Variants in KRT8 observed in about 807,000 individuals in gnomAD.
KRT8 encodes the protein keratin 8, also known as keratin, type II cytoskeletal 8.
Under a neutral mutation model 43.0 loss-of-function variants are expected in KRT8, and 24 were observed. That is an observed-to-expected ratio of 0.56 (90% CI 0.40 to 0.78). The LOEUF is 0.78. Ranked by LOEUF, KRT8 falls within the 30% of genes least tolerant of loss-of-function variation. The pLI is 0.00. For synonymous variants in KRT8, 214 were observed against 261.2 expected (o/e 0.82, Z 1.74); for missense variants, 492 against 638.4 (o/e 0.77, Z 2.47).
chr12:52,934,237 A>G (rs1302195228), intron 2 of KRT8, among the ~76,000 whole-genome samples: 1 of 151,068 alleles, frequency 6.6e-6, no homozygotes, highest in Non-Finnish European at 1.5e-5. Flanking sequence ...TCAGAAAAGG[A>G]AAAAAAATAA....
chr12:52,904,532 A>C, intron 1 of KRT8, 126 bp downstream of exon 1: 3 of 871,734 alleles, frequency 3.4e-6, no homozygotes, highest in Non-Finnish European at 5.7e-6. Flanking sequence ...GATGGAAGGG[A>C]GAGTGTCGCC....
chr12:52,918,194 A>AAGAAGAAGAAGAAGAAGAAGG lies in KRT8; in HGVS notation c.-46-13168_-46-13167insCCTTCTTCTTCTTCTTCTTCT, dbSNP rs1565725628. ...GAAGAGGAAGAGGAAGAAGAAGAAGAAGAAGAAGAACAAGAAGAAGAAGAA... is the reference window on the plus strand; with the variant it reads ...GAAGAGGAAGAGGAAGAAGAAGAAGAAGAAGAAGAAGAAGAAGAAGGAGAAGAAGAACAAGAAGAAGAAGAA... On this transcript the variant is annotated intron_variant, in intron 2 of 6. Transcript: ENST00000546826. Among the ~76,000 whole-genome samples, 109 of 125,048 alleles carry AAGAAGAAGAAGAAGAAGAAGG rather than the reference A, an allele frequency of 8.7e-4. 11 individuals are homozygous for AAGAAGAAGAAGAAGAAGAAGG. The highest frequency in any genetic ancestry group is 1.3e-3 in the Non-Finnish European group (77 of 60,320). 82.0% of individuals were successfully genotyped at this position (125,048 alleles called of 152,430 possible).
chr12:52,905,115 G>T (rs953130983), upstream of KRT8: 1 of 1,442,636 alleles, frequency 6.9e-7, no homozygotes. Flanking sequence ...GGGGGATGGG[G>T]GGGAAAGGCC....
intron 2 of KRT8, chr12:52,926,581 G>T: frequency 2.4e-6 from 2 of 835,286 alleles, no homozygotes; most frequent in Non-Finnish European, 3.8e-6. Context: ...CCCTGGGCTG[G>T]GTTACACTTG....
intron 2 of KRT8, among the ~76,000 whole-genome samples, chr12:52,939,420 C>T (rs1273898383): frequency 1.3e-5 from 2 of 152,052 alleles, no homozygotes; most frequent in African/African-American, 4.8e-5. Flanking sequence ...AGGAGAATCA[C>T]TTGAACCTGG....
intron 2 of KRT8, chr12:52,948,680 G>T: frequency 2.8e-6 from 1 of 359,472 alleles, no homozygotes; most frequent in South Asian, 1.5e-4. Context: ...TTAGTAGAGA[G>T]GGGGTTTCAC....
chr12:52,900,723 C>A, intron 3 of KRT8, 40 bp from the exon 4 acceptor site: 1 of 1,422,998 alleles, frequency 7.0e-7, no homozygotes, highest in Non-Finnish European at 9.9e-7. Flanking sequence ...TGGGTTTCCA[C>A]ACCCAACCCC....
At chr12:52,946,974 C>A (rs1490746183) in intron 2 of KRT8, 1 of 152,830 alleles carries the variant, frequency 6.5e-6, no homozygotes, top group Non-Finnish European at 1.5e-5. Flanking sequence ...ACTGGCCAGG[C>A]TTTTCCAGGG....
chr12:52,906,406 A>G (rs1339158506), upstream of KRT8: 1 of 300,060 alleles, frequency 3.3e-6, no homozygotes, highest in African/African-American at 2.2e-5. Context: ...TGCTACCTGG[A>G]CCCTCCTGCT....
At chr12:52,907,077 T>A (rs868315499), upstream of KRT8, 7 of 234,776 alleles carry the variant, frequency 3.0e-5, no homozygotes, top group African/African-American at 1.4e-4. Context: ...AGTGAGTGGC[T>A]CCTTCACCTC....
upstream of KRT8, chr12:52,906,598 G>A (rs1310743339): frequency 2.3e-6 from 1 of 429,064 alleles, no homozygotes; most frequent in East Asian, 7.1e-5. Flanking sequence ...TGCTGTGGGT[G>A]GAAGGCAGGA....
At chr12:52,906,004 C>T (rs1177118013), upstream of KRT8, among the ~76,000 whole-genome samples, 1 of 152,182 alleles carries the variant, frequency 6.6e-6, no homozygotes, top group African/African-American at 2.4e-5. Context: ...TCACTTGAAC[C>T]CGGGAGGCAG....
chr12:52,908,936 G>A (rs745932854), upstream of KRT8, among the ~76,000 whole-genome samples: 1 of 152,208 alleles, frequency 6.6e-6, no homozygotes, highest in Non-Finnish European at 1.5e-5. Flanking sequence ...AGCCCCGAAA[G>A]TTGAGGCCGC....
chr12:52,907,007 CA>C, upstream of KRT8: 6 of 289,606 alleles, frequency 2.1e-5, no homozygotes, highest in Admixed American at 4.4e-5. Flanking sequence ...CACACACACA[CA>C]CACACCCCAC....
chr12:52,900,707 C>T (rs1436190949), intron 3 of KRT8, 24 bp from the exon 4 acceptor site: 1 of 1,565,380 alleles, frequency 6.4e-7, no homozygotes, highest in African/African-American at 1.3e-5. Context: ...AGAGGGGAGC[C>T]TGAGCTGGGT....
At chr12:52,923,577 G>T (rs1026324085) in intron 2 of KRT8, among the ~76,000 whole-genome samples, 1 of 151,816 alleles carries the variant, frequency 6.6e-6, no homozygotes, top group Non-Finnish European at 1.5e-5. Context: ...CAGCCACCAC[G>T]CCTGGCTAAT....
At chr12:52,940,432 C>CA (rs959352157) in intron 2 of KRT8, among the ~76,000 whole-genome samples, 3,012 of 50,126 alleles carry the variant, frequency 0.06, 57 homozygotes, top group East Asian at 0.13. Flanking sequence ...GACTCAGTCT[C>CA]AAAAAAAAAA....
intron 2 of KRT8, among the ~76,000 whole-genome samples, chr12:52,929,348 C>G (rs1476238593): frequency 6.6e-6 from 1 of 152,100 alleles, no homozygotes; most frequent in Admixed American, 6.6e-5. Flanking sequence ...CCCACCACCA[C>G]GCCCAGCTGA....
chr12:52,918,209 A>AAGAAGGAGG (rs1565725741), intron 2 of KRT8, among the ~76,000 whole-genome samples: 1 of 113,472 alleles, frequency 8.8e-6, no homozygotes, highest in Non-Finnish European at 1.9e-5. Context: ...GAAGAACAAG[A>AAGAAGGAGG]AGAAGAAGAA....
Sources: gnomAD v4.1 joint callset for allele counts (sites outside exome capture counted in the v4.1 genomes callset) on GRCh38, gnomAD v4.1.1 for gene constraint, MANE v1.5 for transcripts, NCBI Gene and HGNC (gene_info 2026-07-23, HGNC 2026-07-21) for gene names.